Variants in PCDHA8 observed in about 807,000 individuals in gnomAD.
PCDHA8 encodes the protein protocadherin alpha-8.
PCDHA8 carries 53 observed loss-of-function variants against 61.8 expected under a neutral mutation model. The ratio of observed to expected loss-of-function variants is 0.86; its 90% CI spans 0.69 to 1.08. The LOEUF is 1.08. Ranked by LOEUF, PCDHA8 falls within the 50% of genes least tolerant of loss-of-function variation. The pLI is 0.00. For missense variants in PCDHA8, 1,293 were observed against 1,245.0 expected (o/e 1.04, Z -0.58); for synonymous variants, 618 against 556.6 (o/e 1.11, Z -1.55).
intron 1 of PCDHA8, chr5:140,877,446 G>T: frequency 6.2e-7 from 1 of 1,613,856 alleles, no homozygotes; most frequent in Non-Finnish European, 8.5e-7. Flanking sequence ...GTGAGCCCGC[G>T]CTGACGTCCA....
At chr5:141,003,761 C>T (rs1371194132) in intron 3 of PCDHA8, among the ~76,000 whole-genome samples, 3 of 152,160 alleles carry the variant, frequency 2.0e-5, no homozygotes, top group Admixed American at 1.3e-4. Flanking sequence ...TAATTATGGT[C>T]GTATTCTGTT....
At chr5:140,864,188 T>C (rs1367092956) in intron 1 of PCDHA8, 1 of 152,142 alleles carries the variant, frequency 6.6e-6, no homozygotes, top group Non-Finnish European at 1.5e-5. Flanking sequence ...TGAATAATGA[T>C]CCTTATGAGA....
At chr5:140,940,873 A>G (rs541083185) in intron 1 of PCDHA8, among the ~76,000 whole-genome samples, 10 of 152,352 alleles carry the variant, frequency 6.6e-5, no homozygotes, top group African/African-American at 2.4e-4. Context: ...CAGTGAGTGA[A>G]TACTACTGCT....
chr5:140,883,530 A>G, intron 1 of PCDHA8: 1 of 1,614,156 alleles, frequency 6.2e-7, no homozygotes. Flanking sequence ...GTATCAGCCT[A>G]TGAACTGGTG....
intron 1 of PCDHA8, among the ~76,000 whole-genome samples, chr5:140,972,693 C>A (rs1358194667): frequency 2.3e-5 from 3 of 130,312 alleles, no homozygotes; most frequent in East Asian, 4.7e-4. Flanking sequence ...GAGATGGAGT[C>A]TCACTCTGTT....
chr5:140,907,252 A>C (rs1459023391), intron 1 of PCDHA8, among the ~76,000 whole-genome samples: 3 of 152,152 alleles, frequency 2.0e-5, no homozygotes, highest in African/African-American at 7.2e-5. Flanking sequence ...TGTAATTGTG[A>C]CTTCAAAAGG....
At position 140,842,542 on chromosome 5, in the gene PCDHA8, G is replaced by A. The variant is rs1432404802; in HGVS notation, c.1221G>A (p.Leu407=). ...LVSTFKNYYS[L]VLDSALDRER... ...CCACCTTCAAGAATTACTACTCGTT[G>A]GTGCTGGACAGCGCCCTGGACCGCG... The change falls in exon 1 of 4, where the codon TTG becomes TTA. Residue 407 remains leucine, a synonymous_variant. Transcript: ENST00000531613. 6 of 1,608,260 alleles carry A rather than the reference G, an allele frequency of 3.7e-6. No individual in the cohort carries two copies. Among genetic ancestry groups the A allele is most frequent in the African/African-American group, 1.3e-5 (1 of 74,632 alleles).
At chr5:140,949,181 A>G (rs2094350223) in intron 1 of PCDHA8, among the ~76,000 whole-genome samples, 2 of 151,604 alleles carry the variant, frequency 1.3e-5, no homozygotes, top group Non-Finnish European at 3.0e-5. Context: ...CAGAGAACAT[A>G]CTCTGCATGA....
chr5:140,848,815 A>G, intron 1 of PCDHA8: 4 of 1,591,096 alleles, frequency 2.5e-6, no homozygotes, highest in Non-Finnish European at 2.6e-6. Context: ...ATCCACCTGG[A>G]GGTGATCGTA....
At chr5:140,853,918 C>T in intron 1 of PCDHA8, 3 of 938,954 alleles carry the variant, frequency 3.2e-6, no homozygotes, top group Non-Finnish European at 3.9e-6. Flanking sequence ...CCTGCAATCC[C>T]AACATTTTGG....
chr5:140,871,208 C>G, intron 1 of PCDHA8: 1 of 1,613,802 alleles, frequency 6.2e-7, no homozygotes, highest in Non-Finnish European at 8.5e-7. Context: ...CTGATCATCG[C>G]CATCTGCGTG....
rs1399480801 is a variant in PCDHA8, at chr5:140,951,947, C to T, written c.2395-27002C>T. On this transcript the variant is annotated intron_variant, in intron 1 of 3. Transcript: ENST00000531613. ...TTACTCCCAAGATACAGTGCGGGTA[C>T]AGGCATTGGGTAAATACTCCTGTTC... is the stretch of plus-strand genomic sequence containing the variant. 5.3e-5 allele frequency among the ~76,000 whole-genome samples: 8 copies of T among 152,250 alleles called. No individual in the cohort carries two copies. In the East Asian group the frequency reaches 1.5e-3, roughly 29 times the overall value.
chr5:140,883,564 G>C, intron 1 of PCDHA8: 1 of 1,614,174 alleles, frequency 6.2e-7, no homozygotes, highest in Non-Finnish European at 8.5e-7. Context: ...ACGGGGGCTC[G>C]CCTTCGCTGT....
chr5:140,964,167 C>G (rs370784169), intron 1 of PCDHA8, among the ~76,000 whole-genome samples: 1 of 152,134 alleles, frequency 6.6e-6, no homozygotes, highest in Non-Finnish European at 1.5e-5. Flanking sequence ...GTGTGAGGAA[C>G]GAAATCATTA....
Position 140,841,273 on chromosome 5 carries a change from T to G in PCDHA8, c.-49T>G. On this transcript the variant is annotated 5_prime_UTR_variant, in exon 1 of 4. Transcript: ENST00000531613. ...TAAAAGACTCTGAAAGTACAGTCGT[T>G]CATCTTTATATTAAGATAATATTTT... is the stretch of plus-strand genomic sequence containing the variant. 2.0e-5 allele frequency: 30 copies of G among 1,504,326 alleles called. No individual in the cohort carries two copies. Among genetic ancestry groups the G allele is most frequent in the Middle Eastern group, 1.8e-4 (1 of 5,416 alleles). The allele number at this position is 1,504,326 out of a possible 1,614,324, so 93.2% of individuals were successfully genotyped here. A position where few individuals can be genotyped will look rare whatever the true frequency, so the allele number is the denominator to read the frequency against.
chr5:140,975,890 T>C (rs542825387), intron 1 of PCDHA8, among the ~76,000 whole-genome samples: 1 of 152,310 alleles, frequency 6.6e-6, no homozygotes, highest in South Asian at 2.1e-4. Flanking sequence ...TTTCCACATA[T>C]GGAGTTTTGT....
chr5:140,891,879 A>G, intron 1 of PCDHA8, among the ~76,000 whole-genome samples: 1 of 152,196 alleles, frequency 6.6e-6, no homozygotes, highest in East Asian at 1.9e-4. Flanking sequence ...TGGCTCTGTC[A>G]TGTGACGATG....
At chr5:141,007,318 A>C (rs2098314985) in intron 3 of PCDHA8, among the ~76,000 whole-genome samples, 1 of 151,736 alleles carries the variant, frequency 6.6e-6, no homozygotes, top group South Asian at 2.1e-4. Flanking sequence ...TGGGAGGCTA[A>C]AGTGGACAGA....
intron 1 of PCDHA8, chr5:140,871,216 G>A (rs782807102): frequency 5.6e-6 from 9 of 1,613,738 alleles, no homozygotes; most frequent in East Asian, 4.5e-5. Context: ...CGCCATCTGC[G>A]TGGTGTCCAG....
Sources: gnomAD v4.1 joint callset for allele counts (sites outside exome capture counted in the v4.1 genomes callset) on GRCh38, gnomAD v4.1.1 for gene constraint, MANE v1.5 for transcripts, NCBI Gene and HGNC (gene_info 2026-07-23, HGNC 2026-07-21) for gene names.